The following ITGA4 variants were observed in gnomAD, a reference collection of about 807,000 sequenced individuals.
ITGA4 encodes integrin alpha-4.
In ITGA4, 63 loss-of-function variants were observed where a neutral mutation model predicts 133.6. That is an observed-to-expected ratio of 0.47 (90% CI 0.38 to 0.58). ITGA4 has a LOEUF of 0.58. ITGA4 is among the 20% of genes least tolerant of loss of function. The pLI is 0.00. For synonymous variants in ITGA4, 483 were observed against 438.0 expected (o/e 1.10, Z -1.28); for missense variants, 1,076 against 1,252.7 (o/e 0.86, Z 2.13).
At chr2:181,528,581 CAGA>C (rs1686880271) in intron 22 of ITGA4, among the ~76,000 whole-genome samples, 1 of 152,164 alleles carries the variant, frequency 6.6e-6, no homozygotes, top group African/African-American at 2.4e-5. Context: ...TAATGGCATC[CAGA>C]AGACCTTGTC....
chr2:181,530,783 G>A (rs1379161918), intron 24 of ITGA4, 134 bp downstream of exon 24: 4 of 758,812 alleles, frequency 5.3e-6, no homozygotes, highest in South Asian at 1.9e-5. Flanking sequence ...TTCTTGCGTG[G>A]AAGGAACAAG....
chr2:181,502,934 G>A (rs1016006472), intron 15 of ITGA4, among the ~76,000 whole-genome samples: 5 of 152,012 alleles, frequency 3.3e-5, no homozygotes, highest in Admixed American at 2.6e-4. Context: ...GAATGTACAA[G>A]GGAATGGTTA....
chr2:181,487,926 A>G (rs1685958740), intron 10 of ITGA4, among the ~76,000 whole-genome samples: 1 of 152,260 alleles, frequency 6.6e-6, no homozygotes, highest in Non-Finnish European at 1.5e-5. Context: ...GTTGTATGAG[A>G]CAACCCAATT....
chr2:181,464,236 G>C (rs1487175882), intron 2 of ITGA4, among the ~76,000 whole-genome samples: 1 of 152,102 alleles, frequency 6.6e-6, no homozygotes, highest in African/African-American at 2.4e-5. Flanking sequence ...AACCAGGGTG[G>C]TAAATTATGA....
At chr2:181,517,005 T>A (rs1278698797) in intron 17 of ITGA4, among the ~76,000 whole-genome samples, 3 of 152,110 alleles carry the variant, frequency 2.0e-5, no homozygotes, top group African/African-American at 7.2e-5. Flanking sequence ...TTTCTGCTGT[T>A]CTTCCCTTAA....
intron 2 of ITGA4, among the ~76,000 whole-genome samples, chr2:181,461,718 C>G (rs1685284532): frequency 6.6e-6 from 1 of 152,120 alleles, no homozygotes; most frequent in Admixed American, 6.6e-5. Flanking sequence ...CCAGATCTTT[C>G]ATTACTTTGG....
chr2:181,486,185 A>G (rs1265335181), intron 10 of ITGA4, 193 bp downstream of exon 10: 1 of 565,576 alleles, frequency 1.8e-6, no homozygotes, highest in Non-Finnish European at 2.8e-6. Context: ...TACCACTGTT[A>G]ATAATGGATG....
Position 181,466,212 on chromosome 2 carries a change from T to C in ITGA4, c.319+7895T>C, listed in dbSNP as rs557324276. ...ATGATGACTCAGGATCAGCCCAGATTTATAAAATTGCAACCATAAAGCTTG... is the reference window on the plus strand; with the variant it reads ...ATGATGACTCAGGATCAGCCCAGATCTATAAAATTGCAACCATAAAGCTTG... On this transcript the variant is annotated intron_variant, in intron 2 of 27. Coordinates refer to ENST00000397033, the MANE Select transcript of ITGA4 (RefSeq NM_000885.6). Among the ~76,000 whole-genome samples, 9 of 152,110 alleles carry C rather than the reference T, an allele frequency of 5.9e-5. No homozygotes were observed. In the East Asian group the frequency reaches 1.7e-3, roughly 29 times the overall value.
At chr2:181,529,800 A>G (rs1420718849) in intron 23 of ITGA4, 152 bp downstream of exon 23, 2 of 565,292 alleles carry the variant, frequency 3.5e-6, no homozygotes, top group African/African-American at 3.8e-5. Flanking sequence ...CCATGCATTT[A>G]TTGAGTTATG....
In ITGA4 at chr2:181,516,105, C is replaced by T. The variant is rs774008357; in HGVS notation, c.1922+4330C>T. 1.3e-5 allele frequency among the ~76,000 whole-genome samples: 2 copies of T among 152,014 alleles called. No homozygotes were observed. Among genetic ancestry groups the T allele is most frequent in the Non-Finnish European group, 2.9e-5 (2 of 67,984 alleles). ...AGTGCAAAATAAAGATGAACCAACACGACTTCAAGATTACAAATATAATAG... is the reference window on the plus strand; with the variant it reads ...AGTGCAAAATAAAGATGAACCAACATGACTTCAAGATTACAAATATAATAG... On this transcript the variant is annotated intron_variant, in intron 17 of 27. Transcript: ENST00000397033. This position sits in a 1 kb window ranked among gnomAD's most constrained non-coding sequence, Gnocchi z 4.0.
chr2:181,506,205 T>C (rs535370861), intron 15 of ITGA4, among the ~76,000 whole-genome samples: 2 of 152,272 alleles, frequency 1.3e-5, no homozygotes, highest in African/African-American at 4.8e-5. Flanking sequence ...CAGTAGTAGT[T>C]CAGTTTTCTT....
In ITGA4 at chr2:181,495,715, A is replaced by C. The variant is rs1362090056; in HGVS notation, c.1386-68A>C. The C allele has an allele frequency of 3.6e-6, 5 of 1,394,474 alleles. No individual in the cohort carries two copies. The African/African-American group carries it at 7.2e-5, about 20-fold the overall frequency. The allele number at this position is 1,394,474 out of a possible 1,614,324, so 86.4% of individuals were successfully genotyped here. A position where few individuals can be genotyped will look rare whatever the true frequency, so the allele number is the denominator to read the frequency against. On this transcript the variant is annotated intron_variant, in intron 13 of 27. Transcript: ENST00000397033. This position sits in a 1 kb window ranked among gnomAD's most constrained non-coding sequence, Gnocchi z 4.3. ...CTTGGTGAATGTAAACTGAAAAAAC[A>C]AACGCATTTCTCTCCTTAAGGAAAA... is the stretch of plus-strand genomic sequence containing the variant.
chr2:181,495,368 C>T lies in ITGA4; in HGVS notation c.1340-3C>T. ...TTAATCTGTGTTGTTTTTTATCCTC[C>T]AGATGTAGCAGTTGGTGCTTTTCGG... On this transcript the variant is annotated splice_polypyrimidine_tract_variant and splice_region_variant and intron_variant, in intron 12 of 27. Transcript: ENST00000397033. This position sits in a 1 kb window ranked among gnomAD's most constrained non-coding sequence, Gnocchi z 4.3. 1 of 1,607,226 alleles carries T rather than the reference C, an allele frequency of 6.2e-7. No individual in the cohort carries two copies.
rs1187171573 is a variant in ITGA4 at position 181,537,580 on chromosome 2, CTG to C, written c.*2055_*2056del. The C allele has an allele frequency of 1.4e-5, 6 of 430,120 alleles. No individual in the cohort carries two copies. Among genetic ancestry groups the C allele is most frequent in the Middle Eastern group, 7.6e-4 (1 of 1,318 alleles). 26.6% of individuals were successfully genotyped at this position (430,120 alleles called of 1,614,324 possible). ...GTGAATCAAGGCAGACTTATGAAATCTGTATTATATTTGTAACAGAATATAGG... is the reference window on the plus strand; with the variant it reads ...GTGAATCAAGGCAGACTTATGAAATCTATTATATTTGTAACAGAATATAGG... On this transcript the variant is annotated 3_prime_UTR_variant, in exon 28 of 28. Transcript: ENST00000397033.
intron 15 of ITGA4, 57 bp from the exon 16 acceptor site, chr2:181,509,601 T>A (rs3816521): frequency 0.29 from 409,274 of 1,407,548 alleles, 63,118 homozygotes; most frequent in Non-Finnish European, 0.32. Flanking sequence ...GGAGTTTTAT[T>A]TTTTTTTAAT....
At chr2:181,504,235 T>C (rs1312874522) in intron 15 of ITGA4, among the ~76,000 whole-genome samples, 1 of 152,046 alleles carries the variant, frequency 6.6e-6, no homozygotes, top group Non-Finnish European at 1.5e-5. Flanking sequence ...TTTATTAAAA[T>C]CATGACATCA....
In ITGA4 at chr2:181,536,661, C is replaced by T. The variant is rs2368213; in HGVS notation, c.*1134C>T. The T allele has an allele frequency of 0.02, 3,672 of 179,880 alleles. 145 individuals are homozygous for T. The highest frequency in any genetic ancestry group is 0.083 in the African/African-American group (3,436 of 41,636). 11.1% of individuals were successfully genotyped at this position (179,880 alleles called of 1,614,324 possible). On this transcript the variant is annotated 3_prime_UTR_variant, in exon 28 of 28. Transcript: ENST00000397033. ...TTGTATACAGTGAATATAAATGAGA[C>T]GACAGCAAAATTTTCATGAAATGTA...
Position 181,530,473 on chromosome 2 carries a change from G to GT in ITGA4, c.2539-45dup, listed in dbSNP as rs750905962. 1.9e-5 allele frequency: 30 copies of GT among 1,551,388 alleles called. 1 individual carries two copies. Among genetic ancestry groups the GT allele is most frequent in the South Asian group, 2.4e-5 (2 of 83,306 alleles). ...TTTTAAAACCAGGTTGCTTTTTGCT[G>GT]TTTTTTCCAGTGTTGAAAGATAAGA... is the stretch of plus-strand genomic sequence containing the variant. On this transcript the variant is annotated intron_variant, in intron 23 of 27. Transcript: ENST00000397033.
At position 181,536,235 on chromosome 2, in the gene ITGA4, A is replaced by C. The variant is rs201311445; in HGVS notation, c.*708A>C. On this transcript the variant is annotated 3_prime_UTR_variant, in exon 28 of 28. Transcript: ENST00000397033. ...GATTTCACCATCTTTCTTTCTGTATATATACATGTGTTTTTATGTAGGTAT... is the reference window on the plus strand; with the variant it reads ...GATTTCACCATCTTTCTTTCTGTATCTATACATGTGTTTTTATGTAGGTAT... 6 of 151,992 alleles carry C rather than the reference A, an allele frequency of 3.9e-5. No individual in the cohort carries two copies. Among genetic ancestry groups the C allele is most frequent in the Non-Finnish European group, 7.4e-5 (5 of 67,974 alleles). The allele number at this position is 151,992 out of a possible 1,614,324, so 9.4% of individuals were successfully genotyped here.
Sources: allele counts gnomAD v4.1 joint callset (sites outside exome capture counted in the v4.1 genomes callset), GRCh38; gene constraint gnomAD v4.1.1; non-coding constraint Gnocchi (gnomAD v3.1); transcripts MANE v1.5; gene names NCBI Gene and HGNC (gene_info 2026-07-23, HGNC 2026-07-21).